Variants in DENND6B observed in about 807,000 individuals in gnomAD.
The protein encoded by DENND6B is DENN domain containing 6B.
A neutral mutation model predicts 85.1 loss-of-function variants in DENND6B; 73 were observed. The ratio of observed to expected loss-of-function variants is 0.86; its 90% CI spans 0.71 to 1.04. The LOEUF (loss-of-function observed/expected upper bound fraction) is 1.04, where lower values mean the gene tolerates loss of function less well. Ranked by LOEUF, DENND6B falls within the 50% of genes least tolerant of loss-of-function variation. The probability of loss-of-function intolerance (pLI) is 0.00; values close to 1 mark genes in which losing one functional copy is unlikely to be tolerated. For synonymous variants in DENND6B, 357 were observed against 329.3 expected, an observed-to-expected ratio of 1.08 and a Z score of -0.91; for missense variants, 715 against 785.8, an observed-to-expected ratio of 0.91 and a Z score of 1.08.
intron 15 of DENND6B, 61 bp downstream of exon 15, chr22:50,313,574 C>G (rs1416150961): frequency 7.0e-6 from 10 of 1,436,344 alleles, no homozygotes; most frequent in Non-Finnish European, 9.3e-6. Context: ...CCCGTCCCCC[C>G]CAACCCCATC....
intron 1 of DENND6B, 98 bp downstream of exon 1, chr22:50,326,714 G>T (rs1374802384): frequency 9.0e-7 from 1 of 1,114,038 alleles, no homozygotes; most frequent in Non-Finnish European, 1.2e-6. Flanking sequence ...GAAGGCCAGG[G>T]AGAGTGCGGG....
intron 1 of DENND6B, among the ~76,000 whole-genome samples, chr22:50,322,727 T>A (rs1165123715): frequency 1.3e-5 from 2 of 152,160 alleles, no homozygotes; most frequent in Non-Finnish European, 2.9e-5. Context: ...TTTGTATTTT[T>A]AGTAGAGATG....
In DENND6B at chr22:50,322,840, G is replaced by A. The variant is rs560503053; in HGVS notation, c.178-3837C>T. On this transcript the variant is annotated intron_variant, in intron 1 of 19. Coordinates refer to ENST00000413817, the MANE Select transcript of DENND6B (RefSeq NM_001001794.4). ...TGTTGGGATACAGGCATGAGCCACCGTGCCCAGCCTTATTTTTTTTTTTTT... is the reference window on the plus strand; with the variant it reads ...TGTTGGGATACAGGCATGAGCCACCATGCCCAGCCTTATTTTTTTTTTTTT... 1.6e-4 allele frequency among the ~76,000 whole-genome samples: 24 copies of A among 146,684 alleles called. 1 individual carries two copies. Among genetic ancestry groups the A allele is most frequent in the African/African-American group, 7.6e-5 (3 of 39,716 alleles).
intron 1 of DENND6B, 36 bp downstream of exon 1, chr22:50,326,776 G>T: frequency 1.5e-6 from 2 of 1,334,876 alleles, no homozygotes; most frequent in Non-Finnish European, 1.9e-6. Context: ...GCGCAGCCCT[G>T]CCCACCCGCC....
At position 50,317,439 on chromosome 22, in the gene DENND6B, GA is replaced by G; in HGVS notation, c.373-67del. ...ACCACCTGGCCAGCCCCAGGGCTGG[GA>G]GTGGCAAGGAGCATGCAGGGACTGC... On this transcript the variant is annotated intron_variant, in intron 4 of 19. Transcript: ENST00000413817. 3 of 1,557,278 alleles carry G rather than the reference GA, an allele frequency of 1.9e-6. No homozygotes were observed. In the South Asian group the frequency reaches 3.4e-5, roughly 18 times the overall value.
chr22:50,313,031 G>T lies in DENND6B; in HGVS notation c.1425C>A (p.Cys475Ter). ...SLEHAGPQLT[C>*]ILKGDWLGLY... ...GACCCAGCCAGTCGCCCTTGAGGAT[G>T]CAGGTGAGCTGGGGCCCAGCATGCT... Residue 475 changes from cysteine (C) to a stop codon, truncating the protein, a stop_gained, in exon 17 of 20, where the codon TGC becomes TGA. Transcript: ENST00000413817. LOFTEE classifies it high-confidence loss of function. 6.4e-7 allele frequency: 1 copy of T among 1,562,716 alleles called. No individual in the cohort carries two copies. Among genetic ancestry groups the T allele is most frequent in the Non-Finnish European group, 8.7e-7 (1 of 1,154,276 alleles).
chr22:50,315,107 T>TGTGCTGGG, intron 9 of DENND6B, 186 bp from the exon 10 acceptor site: 1 of 868,818 alleles, frequency 1.2e-6, no homozygotes, highest in East Asian at 2.8e-5. Flanking sequence ...GCTGTGACAA[T>TGTGCTGGG]CCACCTGTGC....
intron 11 of DENND6B, 47 bp downstream of exon 11, chr22:50,314,558 A>T (rs756459652): frequency 4.5e-6 from 7 of 1,554,338 alleles, no homozygotes; most frequent in Non-Finnish European, 5.2e-6. Context: ...GAAGGGCGAG[A>T]GGCAGGGCGG....
chr22:50,326,268 G>A (rs2042186715), intron 1 of DENND6B, among the ~76,000 whole-genome samples: 1 of 152,248 alleles, frequency 6.6e-6, no homozygotes, highest in South Asian at 2.1e-4. Context: ...GGCCCATGGG[G>A]TCTGGATCTG....
chr22:50,315,057 C>G (rs2041760135), intron 9 of DENND6B, 136 bp from the exon 10 acceptor site: 7 of 1,267,214 alleles, frequency 5.5e-6, no homozygotes, highest in Non-Finnish European at 7.6e-6. Flanking sequence ...GAAGACAGAT[C>G]TATCTGAAGA....
chr22:50,315,023 G>A, intron 9 of DENND6B, 102 bp from the exon 10 acceptor site: 1 of 1,506,624 alleles, frequency 6.6e-7, no homozygotes, highest in African/African-American at 1.4e-5. Context: ...AGGCACTGGT[G>A]AACACAGCAC....
chr22:50,322,118 A>G (rs1601834261), intron 1 of DENND6B, among the ~76,000 whole-genome samples: 1 of 144,660 alleles, frequency 6.9e-6, no homozygotes, highest in Non-Finnish European at 1.5e-5. Context: ...TCTGTTGCCC[A>G]GGCTGGAGTA....
rs773346352 is a variant in DENND6B, at chr22:50,317,985, G to A, written c.295C>T (p.Arg99Cys). ...GGGCTCCTCTGCCCTCCACACTGGC[G>A]CATGCGGAAGCTGAACTGAGTGTCT... The part of the protein sequence containing the change: ...LGDTQFSFRM[R>C]QCGGQRSPWH... The change falls in exon 4 of 20, where the codon CGC becomes TGC. Residue 99 changes from arginine to cysteine, a missense_variant. Coordinates refer to ENST00000413817, the MANE Select transcript of DENND6B (RefSeq NM_001001794.4). 22 of 1,612,372 alleles carry A rather than the reference G, an allele frequency of 1.4e-5. No homozygotes were observed. In the East Asian group the frequency reaches 1.6e-4, roughly 11 times the overall value.
chr22:50,318,844 T>G lies in DENND6B; in HGVS notation c.259+3A>C. 1 of 1,613,202 alleles carries G rather than the reference T, an allele frequency of 6.2e-7. No homozygotes were observed. The highest frequency in any genetic ancestry group is 8.5e-7 in the Non-Finnish European group (1 of 1,179,666). The stretch of plus-strand genomic sequence containing the variant: ...CAGCCCCAGGAAAGGTGGGGTTGCC[T>G]ACCTGAGTGCGAGTCGGGAAAAGAC... On this transcript the variant is annotated splice_donor_region_variant and intron_variant, in intron 3 of 19. Transcript: ENST00000413817.
At chr22:50,324,581 C>T (rs150613768) in intron 1 of DENND6B, among the ~76,000 whole-genome samples, 301 of 152,244 alleles carry the variant, frequency 2.0e-3, no homozygotes, top group African/African-American at 6.4e-3. Flanking sequence ...TGCGCCACCA[C>T]GCCCGGCTAA....
intron 18 of DENND6B, 25 bp downstream of exon 18, chr22:50,312,498 C>T: frequency 6.4e-7 from 1 of 1,572,508 alleles, no homozygotes; most frequent in Non-Finnish European, 8.6e-7. Flanking sequence ...TGTTCTGGCC[C>T]TCCCCAACCC....
At position 50,314,465 on chromosome 22, in the gene DENND6B, G is replaced by A; in HGVS notation, c.1007C>T (p.Pro336Leu). The change falls in exon 12 of 20, where the codon CCT (proline) becomes CTT (leucine). Residue 336 changes from proline (P) to leucine (L), a missense_variant. Transcript: ENST00000413817. Reference protein sequence around the residue: ...PPNVVLGVTNPFFIKTLQHWP... With the variant: ...PPNVVLGVTNLFFIKTLQHWP... ...GTGCTGGAGTGTTTTGATAAAGAAA[G>A]GGTTTGTGACTCCCAGGACCACGTT... 1 of 1,563,476 alleles carries A rather than the reference G, an allele frequency of 6.4e-7. No individual in the cohort carries two copies. The highest frequency in any genetic ancestry group is 1.9e-5 in the Admixed American group (1 of 52,524).
Position 50,314,407 on chromosome 22 carries a change from C to T in DENND6B, c.1065G>A (p.Lys355=). Residue 355 remains lysine, a synonymous_variant, in exon 12 of 20, where the codon AAG becomes AAA. Coordinates refer to ENST00000413817, the MANE Select transcript of DENND6B (RefSeq NM_001001794.4). ...CCTCACCGGGAGCCTGACCTGACAT[C>T]TTGGGCTCCCCGACTCGGAGGATGT... The part of the protein sequence containing the change: ...WPHILRVGEP[K]MSGDLPKQVK... 1 of 1,564,270 alleles carries T rather than the reference C, an allele frequency of 6.4e-7. No individual in the cohort carries two copies. Among genetic ancestry groups the T allele is most frequent in the Non-Finnish European group, 8.7e-7 (1 of 1,154,006 alleles).
intron 9 of DENND6B, 122 bp from the exon 10 acceptor site, chr22:50,315,043 G>C: frequency 7.3e-7 from 1 of 1,369,252 alleles, no homozygotes; most frequent in South Asian, 1.4e-5. Context: ...CGCTGCTCCA[G>C]GGTGAAGACA....
Sources: gnomAD v4.1 joint callset for allele counts (sites outside exome capture counted in the v4.1 genomes callset) on GRCh38, gnomAD v4.1.1 for gene constraint, MANE v1.5 for transcripts, NCBI Gene and HGNC (gene_info 2026-07-23, HGNC 2026-07-21) for gene names.